SUPV3L1: variants seen among roughly 807,000 people sequenced by gnomAD.
SUPV3L1 encodes ATP-dependent RNA helicase SUPV3L1, mitochondrial.
In SUPV3L1, 35 loss-of-function variants were observed where a neutral mutation model predicts 70.0. The ratio of observed to expected loss-of-function variants is 0.50; its 90% CI spans 0.38 to 0.66. The LOEUF (loss-of-function observed/expected upper bound fraction) is 0.66, where lower values mean the gene tolerates loss of function less well. Ranked by LOEUF, SUPV3L1 falls within the 30% of genes least tolerant of loss-of-function variation. The pLI is 0.00. For missense variants in SUPV3L1, 777 were observed against 961.5 expected, an observed-to-expected ratio of 0.81 and a Z score of 2.54; for synonymous variants, 364 against 341.9, an observed-to-expected ratio of 1.06 and a Z score of -0.71.
At chr10:69,187,460 C>T (rs1358843569) in intron 3 of SUPV3L1, 182 bp from the exon 4 acceptor site, 1 of 400,412 alleles carries the variant, frequency 2.5e-6, no homozygotes, top group Non-Finnish European at 4.5e-6. Flanking sequence ...TCAAGCCATC[C>T]TTCCAGGTCA....
chr10:69,190,558 T>C (rs979233939), intron 5 of SUPV3L1, among the ~76,000 whole-genome samples: 1 of 152,242 alleles, frequency 6.6e-6, no homozygotes, highest in Admixed American at 6.5e-5. Flanking sequence ...AGCAGGACAT[T>C]TAATATTGAT....
rs1487045896 is a variant in SUPV3L1, at chr10:69,204,823, G to C, written c.1776+1780G>C. ...GAGTCTCACTCTGTCGCTGAGGCTG[G>C]AGTACAGTTGTGTCATCTCAGCTCA... On this transcript the variant is annotated intron_variant, in intron 13 of 14. Coordinates refer to ENST00000359655, the MANE Select transcript of SUPV3L1 (RefSeq NM_003171.5). Among the ~76,000 whole-genome samples the C allele has an allele frequency of 2.0e-5, 3 of 151,866 alleles. No homozygotes were observed. In the East Asian group the frequency reaches 5.8e-4, roughly 29 times the overall value.
intron 1 of SUPV3L1, among the ~76,000 whole-genome samples, chr10:69,181,522 C>A (rs953826480): frequency 1.3e-5 from 2 of 152,150 alleles, no homozygotes; most frequent in African/African-American, 4.8e-5. Context: ...TAAGCAAGGC[C>A]TTTCACTTTA....
chr10:69,191,596 A>G lies in SUPV3L1; in HGVS notation c.742-59A>G, dbSNP rs987524157. On this transcript the variant is annotated intron_variant, in intron 5 of 14. Transcript: ENST00000359655. ...TAGTGGAGAGAACACCCTGTTAAAT[A>G]TCCAAAACGTATTTTTGCATTATTT... The G allele has an allele frequency of 3.4e-5, 49 of 1,460,648 alleles. No individual in the cohort carries two copies. The African/African-American group carries it at 5.6e-4, about 17-fold the overall frequency. 90.5% of individuals were successfully genotyped at this position (1,460,648 alleles called of 1,614,324 possible).
chr10:69,201,645 G>C (rs1205934630), intron 11 of SUPV3L1, among the ~76,000 whole-genome samples: 2 of 150,622 alleles, frequency 1.3e-5, no homozygotes, highest in East Asian at 3.9e-4. Context: ...GGAGAGCCTT[G>C]CACCTCAGCC....
intron 13 of SUPV3L1, among the ~76,000 whole-genome samples, chr10:69,207,079 A>G (rs1427253992): frequency 2.6e-5 from 4 of 152,248 alleles, no homozygotes; most frequent in Admixed American, 2.0e-4. Flanking sequence ...TTATAGGACT[A>G]TTACATATGA....
chr10:69,186,556 T>C lies in SUPV3L1; in HGVS notation c.457+6T>C, dbSNP rs1842239512. The C allele has an allele frequency of 6.2e-7, 1 of 1,606,370 alleles. No individual in the cohort carries two copies. Among genetic ancestry groups the C allele is most frequent in the Non-Finnish European group, 8.5e-7 (1 of 1,173,936 alleles). ...TGATATTTGCTTCGGTGCAGGCAAG[T>C]GTTTAGAGACTTTTTAAAATCCTAT... On this transcript the variant is annotated splice_donor_region_variant and intron_variant, in intron 3 of 14. Transcript: ENST00000359655.
intron 13 of SUPV3L1, among the ~76,000 whole-genome samples, chr10:69,206,474 A>G (rs186037418): frequency 4.6e-5 from 7 of 152,232 alleles, no homozygotes; most frequent in African/African-American, 9.6e-5. Context: ...TTGTATGTCT[A>G]TCTTCTGTAG....
chr10:69,199,290 C>A, intron 10 of SUPV3L1, 93 bp downstream of exon 10: 3 of 901,458 alleles, frequency 3.3e-6, no homozygotes, highest in Non-Finnish European at 5.1e-6. Flanking sequence ...AATGACCAAA[C>A]GCTATGATTT....
Position 69,198,480 on chromosome 10 carries a change from A to G in SUPV3L1, c.1132A>G (p.Ile378Val), listed in dbSNP as rs750906727. The G allele has an allele frequency of 1.2e-6, 2 of 1,614,066 alleles. No homozygotes were observed. The highest frequency in any genetic ancestry group is 1.7e-6 in the Non-Finnish European group (2 of 1,179,994). The change falls in exon 9 of 15, where the codon ATT becomes GTT. Residue 378 changes from isoleucine to valine, a missense_variant. Transcript: ENST00000359655. ...CATTGTCTGTTTTAGCAAGAATGAT[A>G]TTTATTCTGTGAGTCGGCAGATTGA... The part of the protein sequence containing the change: ...DCIVCFSKND[I>V]YSVSRQIEIR...
intron 11 of SUPV3L1, 84 bp from the exon 12 acceptor site, chr10:69,202,355 C>T: frequency 8.3e-7 from 1 of 1,202,618 alleles, no homozygotes; most frequent in Non-Finnish European, 1.2e-6. Flanking sequence ...CTGAATGGGA[C>T]TTTATCGTGC....
intron 12 of SUPV3L1, 23 bp downstream of exon 12, chr10:69,202,542 A>G: frequency 6.2e-7 from 1 of 1,601,530 alleles, no homozygotes; most frequent in Non-Finnish European, 8.5e-7. Flanking sequence ...TCCCTTTCAC[A>G]TCTCCCCTAA....
At chr10:69,201,594 G>A (rs1842681521) in intron 11 of SUPV3L1, among the ~76,000 whole-genome samples, 2 of 150,900 alleles carry the variant, frequency 1.3e-5, no homozygotes, top group African/African-American at 4.9e-5. Flanking sequence ...CAGTGCTGTG[G>A]CATGATCACG....
chr10:69,180,326 T>C lies in SUPV3L1; in HGVS notation c.35T>C (p.Leu12Pro), dbSNP rs769555063. ...SFSRALLWAR[L>P]PAGRQAGHRA... ...TCCCGTGCCCTATTGTGGGCTCGGC[T>C]CCCGGCGGGGCGCCAGGCTGGCCAC... The change falls in exon 1 of 15, where the codon CTC becomes CCC. Residue 12 changes from leucine (L) to proline (P), a missense_variant. Leu to Pro is a moderately conservative substitution (Grantham distance 98). Transcript: ENST00000359655. The C allele has an allele frequency of 4.3e-6, 7 of 1,613,982 alleles. No homozygotes were observed. The South Asian group carries it at 7.7e-5, about 18-fold the overall frequency.
rs1421167016 is a variant in SUPV3L1 at position 69,196,977 on chromosome 10, G to C, written c.932-15G>C. 6.2e-7 allele frequency: 1 copy of C among 1,611,450 alleles called. No individual in the cohort carries two copies. Among genetic ancestry groups the C allele is most frequent in the Non-Finnish European group, 8.5e-7 (1 of 1,178,168 alleles). On this transcript the variant is annotated splice_polypyrimidine_tract_variant and intron_variant, in intron 7 of 14. Coordinates refer to ENST00000359655, the MANE Select transcript of SUPV3L1 (RefSeq NM_003171.5). ...TAAATCTTTAAAATTAAGAAACCCA[G>C]TTTTGCATTGACAGGACTGTGTGCT...
chr10:69,199,851 T>C (rs1009366818), intron 10 of SUPV3L1, among the ~76,000 whole-genome samples: 3 of 152,016 alleles, frequency 2.0e-5, no homozygotes, highest in Non-Finnish European at 4.4e-5. Context: ...ATTTATGTAT[T>C]TATTTATTTC....
rs1362542053 is a variant in SUPV3L1 at position 69,189,350 on chromosome 10, A to G, written c.656A>G (p.Gln219Arg). 1 of 1,614,178 alleles carries G rather than the reference A, an allele frequency of 6.2e-7. No individual in the cohort carries two copies. The highest frequency in any genetic ancestry group is 2.2e-5 in the East Asian group (1 of 44,876). Residue 219 changes from glutamine to arginine, a missense_variant, in exon 5 of 15, where the codon CAG becomes CGG. Around this residue, in one of 2 missense-constraint regions of SUPV3L1, gnomAD observed 619 missense variants for 823.3 expected, o/e 0.75. Transcript: ENST00000359655. ...AGTGGAAAGACTTATCACGCAATCC[A>G]GAAATACTTCTCAGCAAAGTCTGGA... Reference protein sequence around the residue: ...TNSGKTYHAIQKYFSAKSGVY... With the variant: ...TNSGKTYHAIRKYFSAKSGVY...
At position 69,187,661 on chromosome 10, in the gene SUPV3L1, C is replaced by T. The variant is rs764823904; in HGVS notation, c.477C>T (p.Phe159=). The change falls in exon 4 of 15, where the codon TTC becomes TTT. Residue 159 remains phenylalanine (F), a synonymous_variant. Transcript: ENST00000359655. ...CFGAAHADDL[F]PFFLRHAKQI... is the part of the protein sequence containing the mutation. ...TTCCAGCTCATGCGGATGATTTATTCCCATTTTTCTTGAGACATGCCAAAC... is the reference window on the plus strand; with the variant it reads ...TTCCAGCTCATGCGGATGATTTATTTCCATTTTTCTTGAGACATGCCAAAC... 6 of 1,610,690 alleles carry T rather than the reference C, an allele frequency of 3.7e-6. No individual in the cohort carries two copies. Among genetic ancestry groups the T allele is most frequent in the Non-Finnish European group, 4.2e-6 (5 of 1,178,722 alleles).
At chr10:69,194,829 T>TTAGGAAGATCACTTTCAACCCAGGAGTTC (rs1564706278) in intron 6 of SUPV3L1, among the ~76,000 whole-genome samples, 1 of 148,410 alleles carries the variant, frequency 6.7e-6, no homozygotes, top group African/African-American at 2.4e-5. Context: ...TGAGACCCTG[T>TTAGGAAGATCACTTTCAACCCAGGAGTTC]ATCTAAATTA....
Sources: allele counts gnomAD v4.1 joint callset (sites outside exome capture counted in the v4.1 genomes callset), GRCh38; gene constraint gnomAD v4.1.1; regional missense constraint gnomAD v4.1.1; transcripts MANE v1.5; gene names NCBI Gene and HGNC (gene_info 2026-07-23, HGNC 2026-07-21).